The following LSAMP variants were observed in gnomAD, a reference collection of about 807,000 sequenced individuals.
LSAMP encodes limbic system associated membrane protein, also known as limbic system-associated membrane protein.
A neutral mutation model predicts 38.6 loss-of-function variants in LSAMP; 7 were observed. That is an observed-to-expected ratio of 0.18 (90% confidence interval 0.10 to 0.34). The LOEUF is 0.34. Ranked by LOEUF, LSAMP falls within the 10% of genes least tolerant of loss-of-function variation. The pLI, the probability that LSAMP is intolerant of heterozygous loss-of-function variation, is 1.00. For synonymous variants in LSAMP, 154 were observed against 166.8 expected, an observed-to-expected ratio of 0.92 and a Z score of 0.59; for missense variants, 313 against 420.0, an observed-to-expected ratio of 0.75 and a Z score of 2.23.
chr3:116,193,496 G>C (rs943416246), intron 1 of LSAMP, among the ~76,000 whole-genome samples: 1 of 152,138 alleles, frequency 6.6e-6, no homozygotes, highest in Non-Finnish European at 1.5e-5. Context: ...TAAATGAAAT[G>C]CTCCCCATCT....
chr3:116,240,714 T>C lies in LSAMP; in HGVS notation c.156-154158A>G, dbSNP rs193142684. On this transcript the variant is annotated intron_variant, in intron 1 of 6. Coordinates refer to ENST00000490035, the MANE Select transcript of LSAMP (RefSeq NM_002338.5). ...TAAGTTATCTGTGGAACCCAAGTTGTTGTAAGAAAAAAATATGTTTTTATG... is the reference window on the plus strand; with the variant it reads ...TAAGTTATCTGTGGAACCCAAGTTGCTGTAAGAAAAAAATATGTTTTTATG... Among the ~76,000 whole-genome samples, 4 of 152,270 alleles carry C rather than the reference T, an allele frequency of 2.6e-5. No homozygotes were observed. The East Asian group carries it at 5.8e-4, about 22-fold the overall frequency.
chr3:116,063,089 T>TTG lies in LSAMP; in HGVS notation c.388+23233_388+23234dup, dbSNP rs573311843. Among the ~76,000 whole-genome samples the TTG allele has an allele frequency of 9.8e-4, 148 of 151,368 alleles. 3 individuals are homozygous for TTG. In the South Asian group the frequency reaches 0.019, roughly 19 times the overall value. ...TTACCACTCCTTATGTACATACATA[T>TTG]TGTGTGTGTGTGTGTGTCTGTGTGT... On this transcript the variant is annotated intron_variant, in intron 2 of 6. Transcript: ENST00000490035.
At chr3:116,412,014 C>T (rs2048987601) in intron 1 of LSAMP, among the ~76,000 whole-genome samples, 1 of 151,964 alleles carries the variant, frequency 6.6e-6, no homozygotes, top group Admixed American at 6.6e-5. Context: ...TCTTGCATTT[C>T]TCAGCCTCAA....
intron 1 of LSAMP, among the ~76,000 whole-genome samples, chr3:116,107,194 A>C (rs1266832323): frequency 6.6e-6 from 1 of 152,170 alleles, no homozygotes; most frequent in Non-Finnish European, 1.5e-5. Flanking sequence ...ATAATGTGGG[A>C]GGCTGGATTG....
intron 3 of LSAMP, among the ~76,000 whole-genome samples, chr3:116,005,346 T>A (rs2107666413): frequency 6.6e-6 from 1 of 152,230 alleles, no homozygotes; most frequent in South Asian, 2.1e-4. Flanking sequence ...TATGATCAGG[T>A]CAGAAGCAAG....
Position 115,824,740 on chromosome 3 carries a change from G to A in LSAMP, c.920-14326C>T, listed in dbSNP as rs561840125. On this transcript the variant is annotated intron_variant, in intron 6 of 6. Coordinates refer to ENST00000490035, the MANE Select transcript of LSAMP (RefSeq NM_002338.5). ...AAAAAAAAAAAAAGAACTAGCTTCC[G>A]GACCTAAATCTACTTAGTTGTTGAT... Among the ~76,000 whole-genome samples, 8 of 150,628 alleles carry A rather than the reference G, an allele frequency of 5.3e-5. No individual in the cohort carries two copies. In the South Asian group the frequency reaches 8.4e-4, roughly 16 times the overall value.
intron 1 of LSAMP, among the ~76,000 whole-genome samples, chr3:116,418,148 C>G (rs2107850418): frequency 6.6e-6 from 1 of 152,288 alleles, no homozygotes; most frequent in East Asian, 1.9e-4. Flanking sequence ...CACAGTTGAG[C>G]CAATGTATTT....
chr3:115,865,781 G>T (rs1260190485), intron 3 of LSAMP, among the ~76,000 whole-genome samples: 1 of 152,142 alleles, frequency 6.6e-6, no homozygotes, highest in East Asian at 1.9e-4. Flanking sequence ...TACTAGTTTG[G>T]CATTCAGAAA....
intron 4 of LSAMP, among the ~76,000 whole-genome samples, chr3:115,850,584 A>T (rs1156551184): frequency 6.6e-6 from 1 of 152,232 alleles, no homozygotes; most frequent in African/African-American, 2.4e-5. Context: ...CACACCCAAC[A>T]CTAGAAAATA....
At position 115,815,047 on chromosome 3, in the gene LSAMP, AGAG is replaced by A. The variant is rs1483600989; in HGVS notation, c.920-4636_920-4634del. Among the ~76,000 whole-genome samples the A allele has an allele frequency of 9.2e-5, 14 of 152,316 alleles. No homozygotes were observed. The East Asian group carries it at 2.7e-3, about 29-fold the overall frequency. On this transcript the variant is annotated intron_variant, in intron 6 of 6. Coordinates refer to ENST00000490035, the MANE Select transcript of LSAMP (RefSeq NM_002338.5). ...ATTAAAGCTCAGGCTGGAGCAAATT[AGAG>A]GAGGGGAAATACGGTAGTCCCCCCT... is the stretch of plus-strand genomic sequence containing the variant.
At chr3:116,030,392 T>C (rs1488611149) in intron 2 of LSAMP, among the ~76,000 whole-genome samples, 2 of 152,188 alleles carry the variant, frequency 1.3e-5, no homozygotes, top group Non-Finnish European at 2.9e-5. Context: ...GTCTGCTCAC[T>C]GAAGCTGCTG....
intron 1 of LSAMP, among the ~76,000 whole-genome samples, chr3:116,340,729 C>A (rs909998704): frequency 1.3e-5 from 2 of 151,984 alleles, no homozygotes. Flanking sequence ...ACAAACAATA[C>A]TGTGTGTAAA....
chr3:116,334,686 A>G (rs544025132), intron 1 of LSAMP, among the ~76,000 whole-genome samples: 165 of 152,234 alleles, frequency 1.1e-3, no homozygotes, highest in African/African-American at 3.8e-3. Context: ...GATAGTTTAC[A>G]AAATTGAACA....
intron 1 of LSAMP, among the ~76,000 whole-genome samples, chr3:116,282,523 G>T (rs1476587919): frequency 6.6e-6 from 1 of 152,116 alleles, no homozygotes; most frequent in African/African-American, 2.4e-5. Context: ...AATGGCTTCA[G>T]TGTAGCAGTA....
intron 6 of LSAMP, among the ~76,000 whole-genome samples, chr3:115,819,084 A>G (rs1188941901): frequency 1.3e-5 from 2 of 151,252 alleles, no homozygotes; most frequent in African/African-American, 4.9e-5. Flanking sequence ...CGGGAGGCGG[A>G]GGTTGCAGTG....
intron 3 of LSAMP, among the ~76,000 whole-genome samples, chr3:115,982,522 A>T (rs934749408): frequency 4.6e-5 from 7 of 152,214 alleles, no homozygotes; most frequent in African/African-American, 1.7e-4. Context: ...GAATTAATAA[A>T]ACAGCTGAAG....
intron 3 of LSAMP, among the ~76,000 whole-genome samples, chr3:115,912,235 A>AG (rs1468503709): frequency 6.6e-6 from 1 of 152,336 alleles, no homozygotes; most frequent in East Asian, 1.9e-4. Flanking sequence ...GCCTAACCCT[A>AG]GATCATGAAG....
At chr3:116,380,155 A>G (rs562860458) in intron 1 of LSAMP, among the ~76,000 whole-genome samples, 1 of 151,952 alleles carries the variant, frequency 6.6e-6, no homozygotes, top group African/African-American at 2.4e-5. Flanking sequence ...TTGGTAAAAA[A>G]GGATTATCAA....
chr3:116,152,090 G>A (rs1051831667), intron 1 of LSAMP, among the ~76,000 whole-genome samples: 7 of 152,014 alleles, frequency 4.6e-5, no homozygotes, highest in African/African-American at 1.7e-4. Context: ...AGATGGTTTT[G>A]TTTCTGCTTC....
Sources: allele counts gnomAD v4.1 joint callset (sites outside exome capture counted in the v4.1 genomes callset), GRCh38; gene constraint gnomAD v4.1.1; transcripts MANE v1.5; gene names NCBI Gene and HGNC (gene_info 2026-07-23, HGNC 2026-07-21).